Variants in SHANK1 observed in about 807,000 individuals in gnomAD.
The protein encoded by SHANK1 is SH3 and multiple ankyrin repeat domains 1, also known as SH3 and multiple ankyrin repeat domains protein 1.
A neutral mutation model predicts 165.6 loss-of-function variants in SHANK1; 35 were observed. The observed-to-expected ratio is 0.21, with a 90% CI of 0.16 to 0.28. The LOEUF (loss-of-function observed/expected upper bound fraction) is 0.28. Ranked by LOEUF, SHANK1 falls within the 10% of genes least tolerant of loss-of-function variation. The probability of loss-of-function intolerance (pLI) is 1.00; values close to 1 mark genes in which losing one functional copy is unlikely to be tolerated. For missense variants in SHANK1, 2,681 were observed against 3,036.4 expected, an observed-to-expected ratio of 0.88 and a Z score of 2.75; for synonymous variants, 1,428 against 1,384.8, an observed-to-expected ratio of 1.03 and a Z score of -0.69.
intron 12 of SHANK1, 60 bp from the exon 13 acceptor site, chr19:50,698,016 C>A: frequency 1.7e-6 from 2 of 1,155,332 alleles, no homozygotes; most frequent in Non-Finnish European, 2.6e-6. Context: ...CCTCAACTGC[C>A]AACACACTCA....
Position 50,668,053 on chromosome 19 carries a change from A to C in SHANK1, c.3907T>G (p.Ser1303Ala). The change falls in exon 23 of 24, where the codon TCT (serine) becomes GCT (alanine). Residue 1303 changes from serine (S) to alanine (A), a missense_variant. Ser to Ala is a moderately conservative substitution (Grantham distance 99). Transcript: ENST00000293441. ...FSAEPYLRLE[S>A]AGSGAGYGGY... ...CCGTAGCCCGCGCCGCTGCCCGCAG[A>C]CTCCAGTCGGAGGTAGGGCTCGGCG... 1 of 1,478,656 alleles carries C rather than the reference A, an allele frequency of 6.8e-7. No individual in the cohort carries two copies. The highest frequency in any genetic ancestry group is 8.9e-7 in the Non-Finnish European group (1 of 1,120,040). The allele number at this position is 1,478,656 out of a possible 1,614,324, so 91.6% of individuals were successfully genotyped here. A position where few individuals can be genotyped will look rare whatever the true frequency, so the allele number is the denominator to read the frequency against.
At chr19:50,692,693 C>T (rs1986579092) in intron 15 of SHANK1, among the ~76,000 whole-genome samples, 1 of 151,646 alleles carries the variant, frequency 6.6e-6, no homozygotes, top group Non-Finnish European at 1.5e-5. Context: ...TCTCTTGCTC[C>T]CACAGCTCCA....
chr19:50,665,118 G>A (rs183315122), intron 23 of SHANK1, among the ~76,000 whole-genome samples: 42 of 152,274 alleles, frequency 2.8e-4, no homozygotes, highest in Admixed American at 2.6e-3. Flanking sequence ...AGAGACAACA[G>A]AAGCTACTGA....
At position 50,688,998 on chromosome 19, in the gene SHANK1, GAGGGGAGGGGGTGGAGAGGCCGAGC is replaced by G; in HGVS notation, c.2048-55_2048-31del. ...AGACAGGGAGGAGCCGGCGGGGTCG[GAGGGGAGGGGGTGGAGAGGCCGAGC>G]AGGGGATGGGGCTCAGACCCAAGTC... On this transcript the variant is annotated intron_variant, in intron 16 of 23. Coordinates refer to ENST00000293441, the MANE Select transcript of SHANK1 (RefSeq NM_016148.5). This position sits in a 1 kb window ranked among gnomAD's most constrained non-coding sequence, Gnocchi z 6.7. 6.7e-7 allele frequency: 1 copy of G among 1,487,750 alleles called. No homozygotes were observed. The highest frequency in any genetic ancestry group is 9.2e-7 in the Non-Finnish European group (1 of 1,092,722). 92.2% of individuals were successfully genotyped at this position (1,487,750 alleles called of 1,614,324 possible).
Position 50,661,770 on chromosome 19 carries a change from G to GC in SHANK1, c.*194dup, listed in dbSNP as rs1985236467. On this transcript the variant is annotated 3_prime_UTR_variant, in exon 24 of 24. Transcript: ENST00000293441. ...ACACACACACACTCTTGTGTCAGCT[G>GC]CCCCCCTTCAGTGAGGTGCAAATGT... 18 of 587,200 alleles carry GC rather than the reference G, an allele frequency of 3.1e-5. No individual in the cohort carries two copies. The highest frequency in any genetic ancestry group is 4.6e-4 in the Middle Eastern group (1 of 2,196). 36.4% of individuals were successfully genotyped at this position (587,200 alleles called of 1,614,324 possible). A position where few individuals can be genotyped will look rare whatever the true frequency, so the allele number is the denominator to read the frequency against.
Position 50,716,512 on chromosome 19 carries a change from C to T in SHANK1, c.256-34G>A. The T allele has an allele frequency of 6.2e-7, 1 of 1,610,688 alleles. No individual in the cohort carries two copies. Among genetic ancestry groups the T allele is most frequent in the Non-Finnish European group, 8.5e-7 (1 of 1,177,826 alleles). ...GGAAGAGATAGGGGCTAGGGTGGGC[C>T]AGGGGCCAGAGGAGAGCCTGAGGTG... On this transcript the variant is annotated intron_variant, in intron 2 of 23. Coordinates refer to ENST00000293441, the MANE Select transcript of SHANK1 (RefSeq NM_016148.5). This position sits in a 1 kb window ranked among gnomAD's most constrained non-coding sequence, Gnocchi z 8.4.
rs1168123165 is a variant in SHANK1, at chr19:50,686,829, C to T, written c.2390-17G>A. ...GCTCGTACTCTGTGGGCAAAGAACA[C>T]GGATGACGCCCAGGGAGCCCCCGGG... On this transcript the variant is annotated splice_polypyrimidine_tract_variant and intron_variant, in intron 19 of 23. Coordinates refer to ENST00000293441, the MANE Select transcript of SHANK1 (RefSeq NM_016148.5). The surrounding 1 kb of genome is among the most constrained non-coding windows in gnomAD (Gnocchi z 5.7). The T allele has an allele frequency of 1.9e-6, 3 of 1,613,268 alleles. No homozygotes were observed. Among genetic ancestry groups the T allele is most frequent in the Non-Finnish European group, 2.5e-6 (3 of 1,179,554 alleles).
chr19:50,668,246 C>T lies in SHANK1; in HGVS notation c.3714G>A (p.Gly1238=), dbSNP rs757019273. 14 of 1,455,076 alleles carry T rather than the reference C, an allele frequency of 9.6e-6. No homozygotes were observed. The African/African-American group carries it at 1.3e-4, about 14-fold the overall frequency. The allele number at this position is 1,455,076 out of a possible 1,614,324, so 90.1% of individuals were successfully genotyped here. A position where few individuals can be genotyped will look rare whatever the true frequency, so the allele number is the denominator to read the frequency against. The change falls in exon 23 of 24, where the codon GGG becomes GGA. Residue 1238 remains glycine, a synonymous_variant. Coordinates refer to ENST00000293441, the MANE Select transcript of SHANK1 (RefSeq NM_016148.5). The part of the protein sequence containing the change: ...FTSQFGAALV[G]AARREGGWQN... ...GCCAGCCCCCCTCCCTCCGGGCCGCCCCCACCAGGGCGGCCCCGAACTGGC... is the reference window on the plus strand; with the variant it reads ...GCCAGCCCCCCTCCCTCCGGGCCGCTCCCACCAGGGCGGCCCCGAACTGGC...
At chr19:50,712,209 G>A in intron 6 of SHANK1, 95 bp from the exon 7 acceptor site, 1 of 1,329,330 alleles carries the variant, frequency 7.5e-7, no homozygotes, top group Non-Finnish European at 1.0e-6. Flanking sequence ...GACCGTCCTG[G>A]GTGACCTACA....
intron 12 of SHANK1, among the ~76,000 whole-genome samples, chr19:50,700,598 G>A (rs1000844562): frequency 6.6e-6 from 1 of 152,072 alleles, no homozygotes; most frequent in Non-Finnish European, 1.5e-5. Context: ...CCCTCATCAG[G>A]CTGTGTGAAG....
rs1457207458 is a variant in SHANK1 at position 50,668,968 on chromosome 19, G to C, written c.2992C>G (p.His998Asp). The C allele has an allele frequency of 1.1e-5, 6 of 562,164 alleles. No individual in the cohort carries two copies. Among genetic ancestry groups the C allele is most frequent in the Non-Finnish European group, 1.8e-5 (6 of 329,962 alleles). 34.8% of individuals were successfully genotyped at this position (562,164 alleles called of 1,614,324 possible). A position where few individuals can be genotyped will look rare whatever the true frequency, so the allele number is the denominator to read the frequency against. Residue 998 changes from histidine to aspartate, a missense_variant, in exon 23 of 24, where the codon CAC (histidine) becomes GAC (aspartate). This residue lies in a region of SHANK1 where 1,713 missense variants were observed against 1,630.2 expected (regional missense o/e 1.05). Transcript: ENST00000293441. ...YHSGPLPPAHHHPPHHHHHHA... is the reference protein window; with the variant it reads ...YHSGPLPPAHDHPPHHHHHHA... Reference sequence around the variant, plus strand: ...TGGTGGTGGTGGTGGGGCGGGTGGTGGTGGGCCGGGGGCAGGGGCCCACTG... The same window carrying C: ...TGGTGGTGGTGGTGGGGCGGGTGGTCGTGGGCCGGGGGCAGGGGCCCACTG...
rs561443642 is a variant in SHANK1 at position 50,669,151 on chromosome 19, G to C, written c.2809C>G (p.Pro937Ala). The change falls in exon 23 of 24, where the codon CCA becomes GCA. Residue 937 changes from proline to alanine, a missense_variant. Pro to Ala is a conservative substitution (Grantham distance 27, BLOSUM62 -1). Around this residue, in one of 10 missense-constraint regions of SHANK1, gnomAD observed 1,713 missense variants for 1,630.2 expected, o/e 1.05. Transcript: ENST00000293441. ...AGGCGCCCTGAGGAGGAGGGGACTG[G>C]AGGTGTGCTGTAGGGAGGCTCCGGT... The part of the protein sequence containing the change: ...SPPEPPYSTP[P>A]VPSSSGRLTP... The C allele has an allele frequency of 1.3e-6, 2 of 1,577,492 alleles. No individual in the cohort carries two copies. Among genetic ancestry groups the C allele is most frequent in the South Asian group, 1.2e-5 (1 of 86,832 alleles).
rs189776701 is a variant in SHANK1 at position 50,662,854 on chromosome 19, G to A, written c.5769-172C>T. 5.3e-5 allele frequency among the ~76,000 whole-genome samples: 8 copies of A among 152,050 alleles called. No individual in the cohort carries two copies. In the East Asian group the frequency reaches 7.7e-4, roughly 15 times the overall value. On this transcript the variant is annotated intron_variant, in intron 23 of 23. Transcript: ENST00000293441. The surrounding 1 kb of genome is among the most constrained non-coding windows in gnomAD (Gnocchi z 7.7). ...GGAGGGAGCAAGGGGTAAGACGGCCGGCCGTCGAGGAAAGAAATGAAGGGA... is the reference window on the plus strand; with the variant it reads ...GGAGGGAGCAAGGGGTAAGACGGCCAGCCGTCGAGGAAAGAAATGAAGGGA...
At position 50,667,989 on chromosome 19, in the gene SHANK1, C is replaced by T. The variant is rs1985615725; in HGVS notation, c.3971G>A (p.Gly1324Glu). The change falls in exon 23 of 24, where the codon GGG becomes GAG. Residue 1324 changes from glycine (G) to glutamate (E), a missense_variant. Around this residue, in one of 10 missense-constraint regions of SHANK1, gnomAD observed 1,713 missense variants for 1,630.2 expected, o/e 1.05. Coordinates refer to ENST00000293441, the MANE Select transcript of SHANK1 (RefSeq NM_016148.5). The surrounding 1 kb of genome is among the most constrained non-coding windows in gnomAD (Gnocchi z 5.7). ...GAGSRAYGGG[G>E]GSSAFTSFLP... ...GAAGCTGGTGAAGGCGCTGCTGCCCCCGCCACCCCCGTAGGCTCGGCTACC... is the reference window on the plus strand; with the variant it reads ...GAAGCTGGTGAAGGCGCTGCTGCCCTCGCCACCCCCGTAGGCTCGGCTACC... The T allele has an allele frequency of 3.4e-6, 5 of 1,456,568 alleles. No individual in the cohort carries two copies. Among genetic ancestry groups the T allele is most frequent in the Non-Finnish European group, 4.5e-6 (5 of 1,109,620 alleles). 90.2% of individuals were successfully genotyped at this position (1,456,568 alleles called of 1,614,324 possible).
At position 50,662,212 on chromosome 19, in the gene SHANK1, C is replaced by T. The variant is rs569450992; in HGVS notation, c.6239G>A (p.Arg2080His). The T allele has an allele frequency of 1.1e-5, 17 of 1,609,220 alleles. No homozygotes were observed. The highest frequency in any genetic ancestry group is 1.7e-4 in the Middle Eastern group (1 of 6,052). ...SGASRSLSPTRLLSLPPDKPF... is the reference protein window; with the variant it reads ...SGASRSLSPTHLLSLPPDKPF... Reference sequence around the variant, plus strand: ...CTTGTCCGGGGGCAGCGAGAGCAGGCGGGTCGGTGAGAGGGAGCGCGAGGC... The same window carrying T: ...CTTGTCCGGGGGCAGCGAGAGCAGGTGGGTCGGTGAGAGGGAGCGCGAGGC... Residue 2080 changes from arginine to histidine, a missense_variant, in exon 24 of 24, where the codon CGC (arginine) becomes CAC (histidine). Physicochemically the swap from Arg to His is conservative, Grantham distance 29 (BLOSUM62 0). Transcript: ENST00000293441. This position sits in a 1 kb window ranked among gnomAD's most constrained non-coding sequence, Gnocchi z 7.7.
intron 23 of SHANK1, among the ~76,000 whole-genome samples, chr19:50,665,940 G>A (rs1167157726): frequency 6.7e-6 from 1 of 149,784 alleles, no homozygotes; most frequent in Non-Finnish European, 1.5e-5. Context: ...GAACCCGGGA[G>A]GCAGAGGTTG....
chr19:50,667,958 G>T lies in SHANK1; in HGVS notation c.4002C>A (p.Pro1334=). 1 of 1,407,932 alleles carries T rather than the reference G, an allele frequency of 7.1e-7. No homozygotes were observed. The highest frequency in any genetic ancestry group is 1.5e-5 in the African/African-American group (1 of 66,318). 87.2% of individuals were successfully genotyped at this position (1,407,932 alleles called of 1,614,324 possible). The change falls in exon 23 of 24, where the codon CCC becomes CCA. Residue 1334 remains proline, a synonymous_variant. Coordinates refer to ENST00000293441, the MANE Select transcript of SHANK1 (RefSeq NM_016148.5). This position sits in a 1 kb window ranked among gnomAD's most constrained non-coding sequence, Gnocchi z 5.7. ...TCAGCGGGTGCACCAGGGGTCGCGG[G>T]GGCAGGAAGCTGGTGAAGGCGCTGC... ...GGSSAFTSFL[P]PRPLVHPLTG... is the part of the protein sequence containing the mutation.
chr19:50,707,117 A>G (rs2088949012), intron 8 of SHANK1, among the ~76,000 whole-genome samples: 1 of 152,178 alleles, frequency 6.6e-6, no homozygotes, highest in Non-Finnish European at 1.5e-5. Context: ...TGTATGTGCC[A>G]GGCACTCTAA....
chr19:50,696,888 G>C (rs80022716), intron 15 of SHANK1, among the ~76,000 whole-genome samples: 17,875 of 152,120 alleles, frequency 0.12, 1,207 homozygotes, highest in Middle Eastern at 0.21. Context: ...AGTATATACA[G>C]AGCAGGGCAG....
Sources: allele counts gnomAD v4.1 joint callset (sites outside exome capture counted in the v4.1 genomes callset), GRCh38; gene constraint gnomAD v4.1.1; regional missense constraint gnomAD v4.1.1; non-coding constraint Gnocchi (gnomAD v3.1); transcripts MANE v1.5; gene names NCBI Gene and HGNC (gene_info 2026-07-23, HGNC 2026-07-21).